ST6GALNAC3: variants seen among roughly 807,000 people sequenced by gnomAD.
The protein encoded by ST6GALNAC3 is alpha-N-acetylgalactosaminide alpha-2,6-sialyltransferase 3.
ST6GALNAC3 carries 25 observed loss-of-function variants against 32.7 expected under a neutral mutation model. The ratio of observed to expected loss-of-function variants is 0.76; its 90% confidence interval spans 0.56 to 1.07. The LOEUF is 1.07. ST6GALNAC3 is among the 50% of genes least tolerant of loss of function. The pLI is 0.00. For missense variants in ST6GALNAC3, 355 were observed against 382.4 expected, an observed-to-expected ratio of 0.93 and a Z score of 0.60; for synonymous variants, 129 against 133.1, an observed-to-expected ratio of 0.97 and a Z score of 0.21.
intron 3 of ST6GALNAC3, among the ~76,000 whole-genome samples, chr1:76,504,506 G>A (rs1346753512): frequency 1.3e-5 from 2 of 152,050 alleles, no homozygotes; most frequent in Non-Finnish European, 2.9e-5. Context: ...ATAAATAAAT[G>A]AACAGTCAAC....
chr1:76,437,798 T>C (rs1264416096), intron 3 of ST6GALNAC3, among the ~76,000 whole-genome samples: 3 of 152,054 alleles, frequency 2.0e-5, no homozygotes, highest in South Asian at 2.1e-4. Flanking sequence ...ACGGTCTCGA[T>C]CTCTTGACCT....
chr1:76,164,507 C>A (rs978167385), intron 1 of ST6GALNAC3, among the ~76,000 whole-genome samples: 1 of 152,130 alleles, frequency 6.6e-6, no homozygotes, highest in Non-Finnish European at 1.5e-5. Flanking sequence ...ACATTATGTA[C>A]CCCTTAAGCA....
intron 1 of ST6GALNAC3, among the ~76,000 whole-genome samples, chr1:76,135,119 G>A (rs1259041231): frequency 6.6e-6 from 1 of 151,584 alleles, no homozygotes; most frequent in East Asian, 1.9e-4. Flanking sequence ...TCTAGCCTGG[G>A]CAATAGAGCG....
intron 1 of ST6GALNAC3, among the ~76,000 whole-genome samples, chr1:76,266,602 G>C (rs1041584046): frequency 9.9e-5 from 15 of 152,210 alleles, no homozygotes; most frequent in African/African-American, 3.6e-4. Context: ...AGGGATAAAA[G>C]AGCAACAGTT....
intron 3 of ST6GALNAC3, among the ~76,000 whole-genome samples, chr1:76,610,513 G>A (rs1308257556): frequency 6.6e-6 from 1 of 152,184 alleles, no homozygotes; most frequent in Non-Finnish European, 1.5e-5. Context: ...TTGTCCCTGA[G>A]GCTGGGAACA....
At chr1:76,340,055 AATG>A (rs1647830241) in intron 2 of ST6GALNAC3, among the ~76,000 whole-genome samples, 1 of 152,220 alleles carries the variant, frequency 6.6e-6, no homozygotes, top group Non-Finnish European at 1.5e-5. Context: ...CAGTGTTGAT[AATG>A]ATAATAATTA....
intron 1 of ST6GALNAC3, among the ~76,000 whole-genome samples, chr1:76,113,413 C>T (rs1423049613): frequency 6.6e-6 from 1 of 151,958 alleles, no homozygotes; most frequent in Non-Finnish European, 1.5e-5. Context: ...AAACGCAGAA[C>T]TCCATTATGT....
Position 76,515,092 on chromosome 1 carries a change from T to C in ST6GALNAC3, c.623+102675T>C, listed in dbSNP as rs184224550. ...TGGAATAGTGTGACAAGCATCAGTA[T>C]TGTTCTTTAAATGTTTGATAGAATT... On this transcript the variant is annotated intron_variant, in intron 3 of 4. Transcript: ENST00000328299. 3.4e-3 allele frequency among the ~76,000 whole-genome samples: 525 copies of C among 152,276 alleles called. 5 individuals carry two copies. The highest frequency in any genetic ancestry group is 0.012 in the African/African-American group (496 of 41,558).
chr1:76,556,841 G>C (rs1276527983), intron 3 of ST6GALNAC3, among the ~76,000 whole-genome samples: 3 of 152,032 alleles, frequency 2.0e-5, no homozygotes, highest in Non-Finnish European at 4.4e-5. Flanking sequence ...TTTCTTGCCA[G>C]TGTGCTTTGA....
chr1:76,277,557 T>TGTTTATAC (rs1659218200), intron 1 of ST6GALNAC3, among the ~76,000 whole-genome samples: 1 of 56,912 alleles, frequency 1.8e-5, no homozygotes, highest in Non-Finnish European at 3.2e-5. Flanking sequence ...TATATATATA[T>TGTTTATAC]ATATATATAT....
At chr1:76,079,469 A>G (rs1169501588) in intron 1 of ST6GALNAC3, among the ~76,000 whole-genome samples, 6 of 152,176 alleles carry the variant, frequency 3.9e-5, no homozygotes, top group Non-Finnish European at 7.3e-5. Context: ...ATTAACTTTT[A>G]TATTGGAAGT....
intron 3 of ST6GALNAC3, among the ~76,000 whole-genome samples, chr1:76,568,115 C>T (rs1008676256): frequency 1.2e-4 from 18 of 152,148 alleles, no homozygotes; most frequent in African/African-American, 2.4e-5. Flanking sequence ...GTTAACTCAC[C>T]GGGGGCATTA....
At chr1:76,338,615 G>A (rs1647698538) in intron 2 of ST6GALNAC3, among the ~76,000 whole-genome samples, 2 of 152,132 alleles carry the variant, frequency 1.3e-5, no homozygotes, top group African/African-American at 4.8e-5. Flanking sequence ...GTTTATCATA[G>A]CTGGGCAGGG....
At chr1:76,551,907 A>T (rs1427190499) in intron 3 of ST6GALNAC3, among the ~76,000 whole-genome samples, 1 of 152,068 alleles carries the variant, frequency 6.6e-6, no homozygotes, top group Non-Finnish European at 1.5e-5. Flanking sequence ...CAACATTTTC[A>T]GTTGCATGTC....
chr1:76,264,485 A>G (rs148922598), intron 1 of ST6GALNAC3, among the ~76,000 whole-genome samples: 125 of 152,272 alleles, frequency 8.2e-4, no homozygotes, highest in African/African-American at 2.9e-3. Context: ...CTCTTGTAAT[A>G]TCTTCTATAA....
chr1:76,170,734 G>C (rs2100417402), intron 1 of ST6GALNAC3, among the ~76,000 whole-genome samples: 1 of 152,282 alleles, frequency 6.6e-6, no homozygotes, highest in East Asian at 1.9e-4. Flanking sequence ...GTGGTGTCTG[G>C]TGAAAGGCAG....
intron 2 of ST6GALNAC3, among the ~76,000 whole-genome samples, chr1:76,410,179 A>G (rs1307525447): frequency 1.3e-5 from 2 of 152,016 alleles, no homozygotes; most frequent in Non-Finnish European, 2.9e-5. Flanking sequence ...GAAAGACCCC[A>G]AGTGATTTCT....
chr1:76,364,147 T>C (rs1293953391), intron 2 of ST6GALNAC3, among the ~76,000 whole-genome samples: 1 of 152,202 alleles, frequency 6.6e-6, no homozygotes, highest in Non-Finnish European at 1.5e-5. Flanking sequence ...AGATATTAGA[T>C]TTGTTTGGCA....
chr1:76,605,814 G>A (rs185228815), intron 3 of ST6GALNAC3, among the ~76,000 whole-genome samples: 6 of 126,958 alleles, frequency 4.7e-5, no homozygotes, highest in Non-Finnish European at 6.3e-5. Flanking sequence ...GCAGTGAGCC[G>A]AGATTGTGCC....
Sources: gnomAD v4.1 joint callset for allele counts (sites outside exome capture counted in the v4.1 genomes callset) on GRCh38, gnomAD v4.1.1 for gene constraint, MANE v1.5 for transcripts, NCBI Gene and HGNC (gene_info 2026-07-23, HGNC 2026-07-21) for gene names.